ZNF98: variants seen among roughly 807,000 people sequenced by gnomAD.
ZNF98 encodes zinc finger protein 98, also known as zinc finger protein 739.
A neutral mutation model predicts 12.8 loss-of-function variants in ZNF98; 8 were observed. The ratio of observed to expected loss-of-function variants is 0.63; its 90% CI spans 0.37 to 1.13. The LOEUF (loss-of-function observed/expected upper bound fraction) is 1.13. ZNF98 is among the 50% of genes most tolerant of loss of function. The pLI is 0.01. For missense variants in ZNF98, 379 were observed against 666.1 expected (o/e 0.57, Z 4.74); for synonymous variants, 112 against 223.5 (o/e 0.50, Z 4.45).
intron 1 of ZNF98, among the ~76,000 whole-genome samples, chr19:22,407,437 G>A (rs959587409): frequency 6.7e-6 from 1 of 150,226 alleles, no homozygotes; most frequent in African/African-American, 2.4e-5. Context: ...TTCTCGGCTG[G>A]GCACGGTGGC....
At chr19:22,408,436 T>C (rs562279891) in intron 1 of ZNF98, among the ~76,000 whole-genome samples, 7 of 152,272 alleles carry the variant, frequency 4.6e-5, no homozygotes, top group African/African-American at 1.7e-4. Context: ...TTGAAAGTTA[T>C]GGCCAGGGCA....
At chr19:22,402,175 C>CAAA (rs869111485) in intron 3 of ZNF98, among the ~76,000 whole-genome samples, 79 of 60,484 alleles carry the variant, frequency 1.3e-3, no homozygotes, top group Non-Finnish European at 1.6e-3. Flanking sequence ...GACTCCATCT[C>CAAA]AAAAAAAAAA....
chr19:22,419,954 G>A (rs1254368710), intron 1 of ZNF98, among the ~76,000 whole-genome samples: 3 of 151,898 alleles, frequency 2.0e-5, no homozygotes, highest in African/African-American at 4.8e-5. Context: ...TCAGGAGTTC[G>A]AGACCAACCA....
intron 3 of ZNF98, among the ~76,000 whole-genome samples, chr19:22,395,157 AG>A (rs1969375708): frequency 6.8e-6 from 1 of 146,324 alleles, no homozygotes; most frequent in Admixed American, 7.0e-5. Flanking sequence ...GGGTGACAGG[AG>A]CAAAACTCTG....
At chr19:22,422,117 A>G in intron 1 of ZNF98, 78 bp downstream of exon 1, 1 of 1,575,096 alleles carries the variant, frequency 6.3e-7, no homozygotes, top group Non-Finnish European at 8.7e-7. Flanking sequence ...GGGAGGCCTG[A>G]GTCCCGCCAC....
intron 3 of ZNF98, among the ~76,000 whole-genome samples, chr19:22,393,732 C>G (rs11673476): frequency 0.34 from 51,645 of 151,960 alleles, 10,494 homozygotes; most frequent in Middle Eastern, 0.56. Flanking sequence ...CATAAAAACC[C>G]TAGAGGAAAA....
chr19:22,406,182 C>T (rs549084982), intron 1 of ZNF98, among the ~76,000 whole-genome samples: 60 of 152,240 alleles, frequency 3.9e-4, no homozygotes, highest in Admixed American at 2.2e-3. Context: ...AATACTCCAA[C>T]TGGGGTTGTC....
intron 1 of ZNF98, among the ~76,000 whole-genome samples, chr19:22,414,638 A>G (rs1253391328): frequency 6.6e-6 from 1 of 152,276 alleles, no homozygotes; most frequent in African/African-American, 2.4e-5. Flanking sequence ...ATCTGGAAAG[A>G]ATTCCCTATT....
chr19:22,420,944 A>T (rs1969696946), intron 1 of ZNF98, among the ~76,000 whole-genome samples: 1 of 152,188 alleles, frequency 6.6e-6, no homozygotes, highest in Admixed American at 6.5e-5. Flanking sequence ...AACAGAAAAC[A>T]TATCTTTTTC....
chr19:22,394,678 G>A (rs1281585146), intron 3 of ZNF98, among the ~76,000 whole-genome samples: 1 of 150,618 alleles, frequency 6.6e-6, no homozygotes, highest in Non-Finnish European at 1.5e-5. Context: ...ATACAACGGG[G>A]CCTGTTGGGG....
chr19:22,417,952 C>T (rs973381677), intron 1 of ZNF98, among the ~76,000 whole-genome samples: 7 of 152,164 alleles, frequency 4.6e-5, no homozygotes, highest in Non-Finnish European at 1.0e-4. Context: ...GGCAGTGTGA[C>T]AGCCTGTGTA....
chr19:22,416,622 G>A (rs1969646823), intron 1 of ZNF98, among the ~76,000 whole-genome samples: 1 of 151,818 alleles, frequency 6.6e-6, no homozygotes, highest in African/African-American at 2.4e-5. Context: ...GCCTGGTGGT[G>A]CACACCTGTA....
At chr19:22,414,001 G>A (rs949605072) in intron 1 of ZNF98, among the ~76,000 whole-genome samples, 1 of 151,722 alleles carries the variant, frequency 6.6e-6, no homozygotes, top group African/African-American at 2.4e-5. Context: ...ACTTTGGGAG[G>A]CTGAAGCGGC....
At position 22,416,169 on chromosome 19, in the gene ZNF98, T is replaced by A. The variant is rs557894459; in HGVS notation, c.30+6026A>T. Among the ~76,000 whole-genome samples, 120 of 141,584 alleles carry A rather than the reference T, an allele frequency of 8.5e-4. 1 individual carries two copies. Among genetic ancestry groups the A allele is most frequent in the South Asian group, 8.4e-3 (37 of 4,412 alleles). 92.9% of individuals were successfully genotyped at this position (141,584 alleles called of 152,430 possible). On this transcript the variant is annotated intron_variant, in intron 1 of 3. Coordinates refer to ENST00000357774, the MANE Select transcript of ZNF98 (RefSeq NM_001098626.2). ...AAAAAAACAAAACAAAACAAAAAAA[T>A]TTAAGAAAAATAAAGTATGGGCCAG...
intron 1 of ZNF98, among the ~76,000 whole-genome samples, chr19:22,413,761 C>CA (rs1207680207): frequency 1.3e-5 from 2 of 149,422 alleles, no homozygotes; most frequent in Non-Finnish European, 2.9e-5. Flanking sequence ...CTCAGCTACT[C>CA]AGGAGGCTGA....
At chr19:22,396,090 G>T (rs569920833) in intron 3 of ZNF98, among the ~76,000 whole-genome samples, 1 of 151,534 alleles carries the variant, frequency 6.6e-6, no homozygotes, top group Non-Finnish European at 1.5e-5. Flanking sequence ...TATTTTCCAG[G>T]AAAGATATGC....
intron 1 of ZNF98, among the ~76,000 whole-genome samples, chr19:22,410,346 A>G (rs149767055): frequency 1.7e-3 from 254 of 152,332 alleles, no homozygotes; most frequent in African/African-American, 5.8e-3. Context: ...ACATGGAACC[A>G]ACCCAAATGC....
At chr19:22,420,764 T>A (rs1969695090) in intron 1 of ZNF98, among the ~76,000 whole-genome samples, 1 of 152,174 alleles carries the variant, frequency 6.6e-6, no homozygotes, top group Non-Finnish European at 1.5e-5. Context: ...ACAGGGTTGC[T>A]GAGGACAAAT....
chr19:22,396,118 A>G (rs1568290819), intron 3 of ZNF98, among the ~76,000 whole-genome samples: 2 of 152,152 alleles, frequency 1.3e-5, no homozygotes, highest in Admixed American at 1.3e-4. Flanking sequence ...TAAAAACAGA[A>G]TCTTGTGGCA....
Sources: allele counts gnomAD v4.1 joint callset (sites outside exome capture counted in the v4.1 genomes callset), GRCh38; gene constraint gnomAD v4.1.1; transcripts MANE v1.5; gene names NCBI Gene and HGNC (gene_info 2026-07-23, HGNC 2026-07-21).